The following CSF2RA variants were observed in gnomAD, a reference collection of about 807,000 sequenced individuals.
The protein encoded by CSF2RA is colony stimulating factor 2 receptor subunit alpha, also known as granulocyte-macrophage colony-stimulating factor receptor subunit alpha.
In CSF2RA, 42 loss-of-function variants were observed where a neutral mutation model predicts 51.6. The ratio of observed to expected loss-of-function variants is 0.81; its 90% confidence interval spans 0.64 to 1.05. The LOEUF (loss-of-function observed/expected upper bound fraction) is 1.05. Among genes scored for constraint, CSF2RA ranks in the 50% least tolerant of loss-of-function variants. The pLI, the probability that CSF2RA is intolerant of heterozygous loss-of-function variation, is 0.00. For missense variants in CSF2RA, 530 were observed against 501.1 expected (o/e 1.06, Z -0.55); for synonymous variants, 222 against 193.0 (o/e 1.15, Z -1.24).
chrX:1,280,449 T>G (rs1215483344), intron 2 of CSF2RA, among the ~76,000 whole-genome samples: 3 of 134,090 alleles, frequency 2.2e-5, no homozygotes, highest in Non-Finnish European at 3.1e-5. Context: ...CCAGCCTGGG[T>G]GACAAGAGTG....
chrX:1,279,841 G>A (rs1176373105), intron 2 of CSF2RA, among the ~76,000 whole-genome samples: 1 of 151,794 alleles, frequency 6.6e-6, no homozygotes, highest in African/African-American at 2.4e-5. Context: ...CCAGGCTGGA[G>A]GGCAGTGGCG....
At chrX:1,287,217 G>C (rs1301771905) in intron 4 of CSF2RA, 7 of 143,442 alleles carry the variant, frequency 4.9e-5, no homozygotes, top group African/African-American at 1.6e-4. Context: ...ACACTGGTGT[G>C]ATCTTGGCTC....
chrX:1,309,935 C>T lies in CSF2RA; in HGVS notation c.*456C>T, dbSNP rs181127618. 2.0e-3 allele frequency: 1,144 copies of T among 562,408 alleles called. 18 individuals carry two copies. The highest frequency in any genetic ancestry group is 0.015 in the South Asian group (577 of 39,198). The allele number at this position is 562,408 out of a possible 1,614,324, so 34.8% of individuals were successfully genotyped here. ...AATAAAAACCTGATATTTGGCTGGG[C>T]GCCGTGGCTCATGCCTGTAATCCTA... On this transcript the variant is annotated 3_prime_UTR_variant, in exon 13 of 13. Coordinates refer to ENST00000381529, the MANE Select transcript of CSF2RA (RefSeq NM_172245.4).
chrX:1,315,395 ATTT>A, the CSF2RA span, among the ~76,000 whole-genome samples: 37 of 151,924 alleles, frequency 2.4e-4, no homozygotes, highest in African/African-American at 8.7e-4. Context: ...TGATAGATGA[ATTT>A]TATTTTATTT....
intron 2 of CSF2RA, among the ~76,000 whole-genome samples, chrX:1,281,453 T>C (rs1181192791): frequency 3.7e-4 from 27 of 72,462 alleles, no homozygotes; most frequent in South Asian, 1.1e-3. Flanking sequence ...TCCTGCTCCT[T>C]CTCCTCCTCC....
intron 12 of CSF2RA, among the ~76,000 whole-genome samples, chrX:1,307,367 T>G (rs1418518993): frequency 2.0e-5 from 3 of 150,316 alleles, no homozygotes; most frequent in African/African-American, 7.4e-5. Flanking sequence ...CACCTTCGAC[T>G]GATTAGATGA....
At chrX:1,269,990 T>A (rs1426708657) in intron 1 of CSF2RA, among the ~76,000 whole-genome samples, 4 of 151,854 alleles carry the variant, frequency 2.6e-5, no homozygotes, top group African/African-American at 9.6e-5. Context: ...GTGCCTGTAA[T>A]CCCAGCTACT....
At chrX:1,292,269 C>T (rs1480348275) in intron 7 of CSF2RA, among the ~76,000 whole-genome samples, 1 of 151,670 alleles carries the variant, frequency 6.6e-6, no homozygotes, top group Non-Finnish European at 1.5e-5. Context: ...CCCTGCCCCA[C>T]CTCTACCTGG....
chrX:1,304,110 A>C, intron 11 of CSF2RA, 91 bp downstream of exon 11: 2 of 1,167,446 alleles, frequency 1.7e-6, no homozygotes, highest in Non-Finnish European at 2.6e-6. Flanking sequence ...GTCTCTGAGA[A>C]AGAGAAACAC....
At chrX:1,287,432 G>A (rs1364091449) in intron 4 of CSF2RA, among the ~76,000 whole-genome samples, 2 of 150,366 alleles carry the variant, frequency 1.3e-5, no homozygotes. Flanking sequence ...CATTACAGGT[G>A]TGAGCCACCG....
downstream of CSF2RA, among the ~76,000 whole-genome samples, chrX:1,314,231 A>ACCTGCCCAACCCCACTGCG (rs2084316314): frequency 9.8e-6 from 1 of 101,666 alleles, no homozygotes; most frequent in African/African-American, 3.0e-5. Flanking sequence ...ACCCCACTGC[A>ACCTGCCCAACCCCACTGCG]CCTGCCCAAC....
chrX:1,284,195 C>CTCTTTTTTTTTTT (rs1443798206), intron 3 of CSF2RA, among the ~76,000 whole-genome samples: 1 of 91,750 alleles, frequency 1.1e-5, no homozygotes, highest in African/African-American at 3.9e-5. Flanking sequence ...CTCTGTCTCT[C>CTCTTTTTTTTTTT]TTTTTTTTTT....
chrX:1,279,919 A>T (rs2089676977), intron 2 of CSF2RA, among the ~76,000 whole-genome samples: 1 of 151,888 alleles, frequency 6.6e-6, no homozygotes, highest in Non-Finnish European at 1.5e-5. Flanking sequence ...CCTCCCGAGT[A>T]GCTGGGATTA....
the CSF2RA span, among the ~76,000 whole-genome samples, chrX:1,318,556 G>A: frequency 6.6e-6 from 1 of 151,868 alleles, no homozygotes; most frequent in Non-Finnish European, 1.5e-5. Flanking sequence ...CCCCTGAGCC[G>A]CCGATAGCCC....
chrX:1,293,643 A>AGG (rs2091617607), intron 7 of CSF2RA, among the ~76,000 whole-genome samples: 3 of 151,368 alleles, frequency 2.0e-5, no homozygotes, highest in Non-Finnish European at 3.0e-5. Flanking sequence ...CAGCGTAGAC[A>AGG]AAGAGGTGTT....
intron 1 of CSF2RA, among the ~76,000 whole-genome samples, chrX:1,270,490 C>CTT (rs1432154017): frequency 6.6e-6 from 1 of 151,978 alleles, no homozygotes; most frequent in African/African-American, 2.4e-5. Context: ...CTTCCTGCCC[C>CTT]AGCCTCCCAA....
intron 2 of CSF2RA, among the ~76,000 whole-genome samples, chrX:1,276,505 C>G (rs1196911669): frequency 6.6e-6 from 1 of 151,778 alleles, no homozygotes; most frequent in Non-Finnish European, 1.5e-5. Flanking sequence ...TCGCGAGTAG[C>G]TGGGAGTACA....
At chrX:1,312,393 G>T (rs2084228127), downstream of CSF2RA, among the ~76,000 whole-genome samples, 1 of 152,102 alleles carries the variant, frequency 6.6e-6, no homozygotes. Flanking sequence ...CATGCTGGGG[G>T]CCATTATTCT....
At chrX:1,323,441 T>C in the CSF2RA span, among the ~76,000 whole-genome samples, 1 of 152,038 alleles carries the variant, frequency 6.6e-6, no homozygotes, top group Non-Finnish European at 1.5e-5. Context: ...GAGGAGCATG[T>C]CGTCAGTCAC....
Sources: gnomAD v4.1 joint callset for allele counts (sites outside exome capture counted in the v4.1 genomes callset) on GRCh38, gnomAD v4.1.1 for gene constraint, MANE v1.5 for transcripts, NCBI Gene and HGNC (gene_info 2026-07-23, HGNC 2026-07-21) for gene names.